Variants in LPAR1 observed in about 807,000 individuals in gnomAD.
LPAR1 encodes the protein lysophosphatidic acid receptor 1.
Under a neutral mutation model 23.8 loss-of-function variants are expected in LPAR1, and 5 were observed. The observed-to-expected ratio is 0.21, with a 90% confidence interval of 0.11 to 0.44. LPAR1 has a LOEUF of 0.44. Ranked by LOEUF, LPAR1 falls within the 20% of genes least tolerant of loss-of-function variation. The pLI, the probability that LPAR1 is intolerant of heterozygous loss-of-function variation, is 0.99. For missense variants in LPAR1, 311 were observed against 482.8 expected (o/e 0.64, Z 3.33); for synonymous variants, 160 against 164.7 (o/e 0.97, Z 0.22).
At chr9:111,031,399 A>AG (rs895864693) in intron 2 of LPAR1, among the ~76,000 whole-genome samples, 57 of 149,034 alleles carry the variant, frequency 3.8e-4, no homozygotes, top group African/African-American at 1.4e-3. Flanking sequence ...TCTTTAAAAA[A>AG]AAAAAAAGAA....
At chr9:110,994,038 A>G (rs1398971734) in intron 2 of LPAR1, among the ~76,000 whole-genome samples, 1 of 152,214 alleles carries the variant, frequency 6.6e-6, no homozygotes, top group Non-Finnish European at 1.5e-5. Context: ...GTGCAAAATA[A>G]TAACTGTACA....
intron 2 of LPAR1, among the ~76,000 whole-genome samples, chr9:110,993,953 T>C (rs780955286): frequency 6.6e-6 from 1 of 152,190 alleles, no homozygotes; most frequent in Non-Finnish European, 1.5e-5. Context: ...TTCATTTTAA[T>C]ACAAATAAAA....
At chr9:110,969,468 T>C (rs747861582) in intron 4 of LPAR1, among the ~76,000 whole-genome samples, 11 of 152,100 alleles carry the variant, frequency 7.2e-5, no homozygotes, top group Admixed American at 3.3e-4. Flanking sequence ...TCCCAGAACT[T>C]TGGGAGGCCA....
intron 2 of LPAR1, among the ~76,000 whole-genome samples, chr9:111,021,566 A>G (rs1212436117): frequency 1.3e-5 from 2 of 152,250 alleles, no homozygotes; most frequent in East Asian, 1.9e-4. Flanking sequence ...CATCCAGCAT[A>G]TAAACATAAG....
intron 2 of LPAR1, among the ~76,000 whole-genome samples, chr9:110,992,099 ATAAAT>A (rs1055086952): frequency 3.3e-5 from 5 of 152,226 alleles, no homozygotes; most frequent in African/African-American, 1.2e-4. Context: ...ACATTGTTAA[ATAAAT>A]TAAATGGCAA....
chr9:111,001,178 A>C (rs929677997), intron 2 of LPAR1, among the ~76,000 whole-genome samples: 1 of 152,236 alleles, frequency 6.6e-6, no homozygotes, highest in Non-Finnish European at 1.5e-5. Context: ...CAATGAAACA[A>C]GACAACAATA....
chr9:110,910,723 G>A (rs1051348614), intron 5 of LPAR1, among the ~76,000 whole-genome samples: 6 of 152,176 alleles, frequency 3.9e-5, no homozygotes, highest in African/African-American at 1.4e-4. Flanking sequence ...ATTAATAGGA[G>A]TTTATAAGAA....
intron 5 of LPAR1, among the ~76,000 whole-genome samples, chr9:110,892,023 C>T (rs1161987643): frequency 6.6e-6 from 1 of 152,148 alleles, no homozygotes; most frequent in East Asian, 1.9e-4. Flanking sequence ...TATGACTCAG[C>T]CATTCTACTC....
intron 2 of LPAR1, among the ~76,000 whole-genome samples, chr9:110,990,900 C>T (rs2096880916): frequency 6.6e-6 from 1 of 151,930 alleles, no homozygotes; most frequent in Non-Finnish European, 1.5e-5. Context: ...TACTATTGTC[C>T]CTGTCAGAGA....
intron 2 of LPAR1, among the ~76,000 whole-genome samples, chr9:110,974,731 A>G (rs2096514643): frequency 6.6e-6 from 1 of 152,220 alleles, no homozygotes; most frequent in South Asian, 2.1e-4. Flanking sequence ...CAGTTTTAGG[A>G]ACAAATGAGA....
At chr9:110,993,436 G>A (rs909176713) in intron 2 of LPAR1, among the ~76,000 whole-genome samples, 9 of 152,050 alleles carry the variant, frequency 5.9e-5, no homozygotes, top group Non-Finnish European at 1.2e-4. Flanking sequence ...TGTTTATTGT[G>A]TAGAATGTTC....
At chr9:110,991,853 A>T (rs1022289710) in intron 2 of LPAR1, among the ~76,000 whole-genome samples, 2 of 152,076 alleles carry the variant, frequency 1.3e-5, no homozygotes, top group Admixed American at 1.3e-4. Context: ...TCGGCCTCCC[A>T]AAGTGCTGGG....
intron 5 of LPAR1, among the ~76,000 whole-genome samples, chr9:110,883,866 A>C (rs1373114822): frequency 6.6e-6 from 1 of 152,156 alleles, no homozygotes; most frequent in African/African-American, 2.4e-5. Flanking sequence ...CTCAGCTTCC[A>C]CTGAGGGCTG....
At chr9:110,950,336 A>G (rs187344869) in intron 4 of LPAR1, among the ~76,000 whole-genome samples, 72 of 152,052 alleles carry the variant, frequency 4.7e-4, no homozygotes, top group African/African-American at 1.6e-3. Flanking sequence ...ATAGTGGTAC[A>G]TGCCTGTAAT....
At chr9:110,955,344 G>C (rs2095702010) in intron 4 of LPAR1, among the ~76,000 whole-genome samples, 1 of 152,080 alleles carries the variant, frequency 6.6e-6, no homozygotes, top group Admixed American at 6.5e-5. Flanking sequence ...GATAAAGAGG[G>C]TCATTACATA....
chr9:110,980,738 A>G (rs1485311871), intron 2 of LPAR1, among the ~76,000 whole-genome samples: 2 of 152,038 alleles, frequency 1.3e-5, no homozygotes, highest in Non-Finnish European at 2.9e-5. Flanking sequence ...TATAGCAAAC[A>G]ACAATTTATT....
At chr9:110,991,268 C>T (rs966022585) in intron 2 of LPAR1, among the ~76,000 whole-genome samples, 2 of 152,188 alleles carry the variant, frequency 1.3e-5, no homozygotes, top group African/African-American at 4.8e-5. Flanking sequence ...CCCAAAGCCC[C>T]TGACTCTGTG....
At chr9:111,029,409 C>A (rs2097757926) in intron 2 of LPAR1, among the ~76,000 whole-genome samples, 1 of 152,074 alleles carries the variant, frequency 6.6e-6, no homozygotes, top group Admixed American at 6.5e-5. Flanking sequence ...GTCTCCAGTA[C>A]CCTTCTACCT....
chr9:110,927,687 CT>C (rs1217815758), intron 5 of LPAR1, among the ~76,000 whole-genome samples: 1 of 151,844 alleles, frequency 6.6e-6, no homozygotes, highest in Non-Finnish European at 1.5e-5. Flanking sequence ...TAAAATTTAG[CT>C]GTAAAATAAG....
Sources: gnomAD v4.1 joint callset for allele counts (sites outside exome capture counted in the v4.1 genomes callset) on GRCh38, gnomAD v4.1.1 for gene constraint, MANE v1.5 for transcripts, NCBI Gene and HGNC (gene_info 2026-07-23, HGNC 2026-07-21) for gene names.